The following LDB2 variants were observed in gnomAD, a reference collection of about 807,000 sequenced individuals.
The protein encoded by LDB2 is LIM domain-binding protein 2.
A neutral mutation model predicts 44.3 loss-of-function variants in LDB2; 12 were observed. The observed-to-expected ratio is 0.27, with a 90% CI of 0.17 to 0.44. LDB2 has a LOEUF of 0.44. LDB2 is among the 20% of genes least tolerant of loss of function. The pLI is 1.00. For missense variants in LDB2, 344 were observed against 473.5 expected, an observed-to-expected ratio of 0.73 and a Z score of 2.54; for synonymous variants, 164 against 174.8, an observed-to-expected ratio of 0.94 and a Z score of 0.49.
rs538995753 is a variant in LDB2, at chr4:16,568,589, G to T, written c.615+17333C>A. Among the ~76,000 whole-genome samples the T allele has an allele frequency of 2.1e-4, 32 of 152,242 alleles. 1 individual carries two copies. The South Asian group carries it at 6.4e-3, about 31-fold the overall frequency. ...TGTTCTTAATTGCAAGCCAGAGTTA[G>T]ATGCAATGTACTCATCCCTCAGCAT... On this transcript the variant is annotated intron_variant, in intron 5 of 7. Coordinates refer to ENST00000304523, the MANE Select transcript of LDB2 (RefSeq NM_001290.5).
chr4:16,694,728 C>A (rs1206708916), intron 2 of LDB2, among the ~76,000 whole-genome samples: 1 of 152,186 alleles, frequency 6.6e-6, no homozygotes, highest in Non-Finnish European at 1.5e-5. Context: ...GGCCAAGAGT[C>A]ATAGCTTTAT....
intron 1 of LDB2, among the ~76,000 whole-genome samples, chr4:16,844,675 G>A (rs1010122862): frequency 7.2e-5 from 11 of 152,116 alleles, no homozygotes; most frequent in South Asian, 2.1e-4. Context: ...ATCTTGTTTC[G>A]TTTGTTTTGT....
chr4:16,862,950 G>A (rs1047792457), intron 1 of LDB2, among the ~76,000 whole-genome samples: 6 of 152,166 alleles, frequency 3.9e-5, no homozygotes, highest in South Asian at 2.1e-4. Flanking sequence ...AGGAAAGAGC[G>A]TCCAGCGAGT....
At chr4:16,775,316 T>C (rs1413623609) in intron 1 of LDB2, among the ~76,000 whole-genome samples, 1 of 152,074 alleles carries the variant, frequency 6.6e-6, no homozygotes, top group Admixed American at 6.6e-5. Flanking sequence ...ATAATATATA[T>C]CCATAATGCA....
chr4:16,582,782 CAGGCTCAGCG>C lies in LDB2; in HGVS notation c.615+3130_615+3139del, dbSNP rs555285032. 1.8e-4 allele frequency among the ~76,000 whole-genome samples: 28 copies of C among 152,320 alleles called. 1 individual carries two copies. In the East Asian group the frequency reaches 4.1e-3, roughly 22 times the overall value. ...GCACTGTGACAGGGCGCCATCTCTG[CAGGCTCAGCG>C]GCTTCCAGCCACAGCTCCACTGGGA... On this transcript the variant is annotated intron_variant, in intron 5 of 7. Coordinates refer to ENST00000304523, the MANE Select transcript of LDB2 (RefSeq NM_001290.5). The surrounding 1 kb of genome is among the most constrained non-coding windows in gnomAD (Gnocchi z 4.8).
At chr4:16,735,701 T>C (rs1300782672) in intron 2 of LDB2, among the ~76,000 whole-genome samples, 3 of 152,156 alleles carry the variant, frequency 2.0e-5, no homozygotes, top group Admixed American at 6.5e-5. Flanking sequence ...CTCTGGTATA[T>C]TGTTTCAAAA....
intron 1 of LDB2, among the ~76,000 whole-genome samples, chr4:16,818,397 A>G (rs74646545): frequency 2.0e-4 from 30 of 152,296 alleles, no homozygotes; most frequent in African/African-American, 5.5e-4. Flanking sequence ...CACATTCTCA[A>G]TGGGAGAACT....
intron 5 of LDB2, among the ~76,000 whole-genome samples, chr4:16,524,986 A>G (rs550542564): frequency 6.6e-6 from 1 of 152,348 alleles, no homozygotes; most frequent in Admixed American, 6.5e-5. Flanking sequence ...TTATAAATGC[A>G]GCTTTATAAT....
At chr4:16,646,743 C>T (rs959612422) in intron 2 of LDB2, among the ~76,000 whole-genome samples, 5 of 152,148 alleles carry the variant, frequency 3.3e-5, no homozygotes, top group Non-Finnish European at 7.4e-5. Flanking sequence ...CAAATGCTAA[C>T]CCCTGTACGG....
chr4:16,798,970 C>T (rs1019886836), intron 1 of LDB2, among the ~76,000 whole-genome samples: 5 of 152,206 alleles, frequency 3.3e-5, no homozygotes, highest in Non-Finnish European at 7.3e-5. Context: ...CCTGCCTCAG[C>T]CTCCTGAGTA....
chr4:16,830,736 C>T (rs1475862162), intron 1 of LDB2, among the ~76,000 whole-genome samples: 2 of 152,160 alleles, frequency 1.3e-5, no homozygotes, highest in Admixed American at 6.5e-5. Context: ...CTGCCTGTGC[C>T]AAATGGAGGT....
chr4:16,591,752 T>G (rs1241158137), intron 3 of LDB2, among the ~76,000 whole-genome samples: 1 of 152,140 alleles, frequency 6.6e-6, no homozygotes, highest in Non-Finnish European at 1.5e-5. Flanking sequence ...TATTTCCTAT[T>G]CAGAAATGGT....
At chr4:16,826,813 A>G (rs1037194542) in intron 1 of LDB2, among the ~76,000 whole-genome samples, 1 of 152,178 alleles carries the variant, frequency 6.6e-6, no homozygotes, top group Non-Finnish European at 1.5e-5. Flanking sequence ...AGAACAAAAA[A>G]AAAAGGAAAA....
intron 2 of LDB2, among the ~76,000 whole-genome samples, chr4:16,652,433 A>G (rs983009461): frequency 6.6e-6 from 1 of 152,220 alleles, no homozygotes; most frequent in Non-Finnish European, 1.5e-5. Flanking sequence ...GAGTCCAAAG[A>G]CAAAGCTTAG....
chr4:16,721,881 G>C (rs1293786231), intron 2 of LDB2, among the ~76,000 whole-genome samples: 1 of 152,116 alleles, frequency 6.6e-6, no homozygotes, highest in African/African-American at 2.4e-5. Context: ...CTAGAGATAA[G>C]GTATGAATCA....
At chr4:16,657,365 A>G (rs1448399402) in intron 2 of LDB2, among the ~76,000 whole-genome samples, 1 of 152,162 alleles carries the variant, frequency 6.6e-6, no homozygotes, top group Non-Finnish European at 1.5e-5. Context: ...ATCATTACCT[A>G]TCACCTCTCA....
intron 1 of LDB2, among the ~76,000 whole-genome samples, chr4:16,845,970 G>A (rs1000141142): frequency 6.6e-6 from 1 of 152,002 alleles, no homozygotes; most frequent in Non-Finnish European, 1.5e-5. Context: ...TTAGCCAGGC[G>A]TGGCAGCATG....
intron 5 of LDB2, among the ~76,000 whole-genome samples, chr4:16,577,817 C>T (rs1712376453): frequency 6.6e-6 from 1 of 151,964 alleles, no homozygotes; most frequent in African/African-American, 2.4e-5. Flanking sequence ...CTGACTTACA[C>T]TACAGAGATA....
intron 1 of LDB2, among the ~76,000 whole-genome samples, chr4:16,856,083 C>A (rs1430498327): frequency 6.6e-6 from 1 of 152,066 alleles, no homozygotes; most frequent in Non-Finnish European, 1.5e-5. Context: ...TATGTGAGGC[C>A]AATTTTCTTC....
Sources: gnomAD v4.1 joint callset for allele counts (sites outside exome capture counted in the v4.1 genomes callset) on GRCh38, gnomAD v4.1.1 for gene constraint, Gnocchi (gnomAD v3.1) non-coding constraint, MANE v1.5 for transcripts, NCBI Gene and HGNC (gene_info 2026-07-23, HGNC 2026-07-21) for gene names.